Variants in CELSR1 observed in about 807,000 individuals in gnomAD.
The protein encoded by CELSR1 is cadherin EGF LAG seven-pass G-type receptor 1, also known as adhesion G protein-coupled receptor C1.
A neutral mutation model predicts 249.1 loss-of-function variants in CELSR1; 110 were observed. That is an observed-to-expected ratio of 0.44 (90% CI 0.38 to 0.52). The LOEUF (loss-of-function observed/expected upper bound fraction) is 0.52, where lower values mean the gene tolerates loss of function less well. Among genes scored for constraint, CELSR1 ranks in the 20% least tolerant of loss-of-function variants. The probability of loss-of-function intolerance (pLI) is 0.00; values close to 1 mark genes in which losing one functional copy is unlikely to be tolerated. For missense variants in CELSR1, 4,109 were observed against 4,296.4 expected (o/e 0.96, Z 1.22); for synonymous variants, 2,113 against 1,900.0 (o/e 1.11, Z -2.92).
chr22:46,420,039 C>T (rs1412319056), intron 5 of CELSR1, among the ~76,000 whole-genome samples: 1 of 151,268 alleles, frequency 6.6e-6, no homozygotes, highest in Non-Finnish European at 1.5e-5. Context: ...CCGACACTCA[C>T]ACTCAAATGT....
chr22:46,399,564 G>A lies in CELSR1; in HGVS notation c.5412+153C>T, dbSNP rs2079188224. 6.6e-6 allele frequency among the ~76,000 whole-genome samples: 1 copy of A among 152,194 alleles called. No homozygotes were observed. Among genetic ancestry groups the A allele is most frequent in the Non-Finnish European group, 1.5e-5 (1 of 68,034 alleles). On this transcript the variant is annotated intron_variant, in intron 10 of 34. Coordinates refer to ENST00000674500, the MANE Select transcript of CELSR1 (RefSeq NM_001378328.1). This position sits in a 1 kb window ranked among gnomAD's most constrained non-coding sequence, Gnocchi z 5.0. ...GGAAGATGCCAGTGACCTCAGTACA[G>A]GGCAGAACAGAAGCCCACCTGCGGG...
intron 5 of CELSR1, among the ~76,000 whole-genome samples, chr22:46,416,975 T>TG (rs1207780118): frequency 1.6e-3 from 10 of 6,222 alleles, no homozygotes; most frequent in Admixed American, 6.8e-3. Flanking sequence ...GAAGGCGGTG[T>TG]GGGGGGGTGG....
chr22:46,488,063 C>G lies in CELSR1; in HGVS notation c.3545-23718G>C, dbSNP rs1047183708. ...TGCTGACAGGATCAGCTGACAGGGG[C>G]GTGAGGGAGGGGTGTCAAGTACCAG... On this transcript the variant is annotated intron_variant, in intron 1 of 34. Coordinates refer to ENST00000674500, the MANE Select transcript of CELSR1 (RefSeq NM_001378328.1). The surrounding 1 kb of genome is among the most constrained non-coding windows in gnomAD (Gnocchi z 4.7). Among the ~76,000 whole-genome samples, 1 of 139,810 alleles carries G rather than the reference C, an allele frequency of 7.2e-6. No individual in the cohort carries two copies. The allele number at this position is 139,810 out of a possible 152,430, so 91.7% of individuals were successfully genotyped here. A position where few individuals can be genotyped will look rare whatever the true frequency, so the allele number is the denominator to read the frequency against.
chr22:46,378,311 G>A (rs2078940360), intron 23 of CELSR1, among the ~76,000 whole-genome samples: 1 of 152,186 alleles, frequency 6.6e-6, no homozygotes, highest in Non-Finnish European at 1.5e-5. Flanking sequence ...CCATTCCGGG[G>A]TTTAATACAT....
In CELSR1 at chr22:46,363,516, CTT is replaced by C. The variant is rs2078729401; in HGVS notation, c.9036-271_9036-270del. 7.5e-6 allele frequency: 3 copies of C among 400,126 alleles called. No individual in the cohort carries two copies. Among genetic ancestry groups the C allele is most frequent in the Admixed American group, 3.8e-5 (1 of 26,504 alleles). The allele number at this position is 400,126 out of a possible 1,614,324, so 24.8% of individuals were successfully genotyped here. On this transcript the variant is annotated intron_variant, in intron 34 of 34. Coordinates refer to ENST00000674500, the MANE Select transcript of CELSR1 (RefSeq NM_001378328.1). The surrounding 1 kb of genome is among the most constrained non-coding windows in gnomAD (Gnocchi z 4.3). ...TAGAAACCGGCCATCTCTACAGTGA[CTT>C]TTGGAAGGGGCATTCTGAAGACCTG...
Position 46,367,023 on chromosome 22 carries a change from G to A in CELSR1, c.8175C>T (p.Asp2725=), listed in dbSNP as rs2078791959. ...GCAGGGTGGCCCTGGTGGTGGCGGA[G>A]TCCTCCAGGTGCAGCTTCCTCCCGC... ...VLGGRKLHLE[D]SATTRATLLT... The change falls in exon 29 of 35, where the codon GAC becomes GAT. Residue 2725 remains aspartate (D), a synonymous_variant. Coordinates refer to ENST00000674500, the MANE Select transcript of CELSR1 (RefSeq NM_001378328.1). 3 of 1,610,590 alleles carry A rather than the reference G, an allele frequency of 1.9e-6. No homozygotes were observed. Among genetic ancestry groups the A allele is most frequent in the Non-Finnish European group, 1.7e-6 (2 of 1,179,556 alleles).
intron 3 of CELSR1, among the ~76,000 whole-genome samples, chr22:46,438,232 G>A (rs2079689347): frequency 6.6e-6 from 1 of 152,218 alleles, no homozygotes; most frequent in African/African-American, 2.4e-5. Flanking sequence ...AAAGAGCTGT[G>A]GGGATGAGAG....
Position 46,527,462 on chromosome 22 carries a change from G to A in CELSR1, c.3544+6165C>T, listed in dbSNP as rs891837730. 2.0e-5 allele frequency among the ~76,000 whole-genome samples: 3 copies of A among 152,100 alleles called. No individual in the cohort carries two copies. The highest frequency in any genetic ancestry group is 2.9e-5 in the Non-Finnish European group (2 of 68,014). ...TCCCTGCCCATCACACACTGCACAC[G>A]TCCAGGGGGGTAGAGAAGAGTCCCA... is the stretch of plus-strand genomic sequence containing the variant. On this transcript the variant is annotated intron_variant, in intron 1 of 34. Coordinates refer to ENST00000674500, the MANE Select transcript of CELSR1 (RefSeq NM_001378328.1). This position sits in a 1 kb window ranked among gnomAD's most constrained non-coding sequence, Gnocchi z 5.5.
At position 46,376,967 on chromosome 22, in the gene CELSR1, G is replaced by C. The variant is rs542472118; in HGVS notation, c.7584+94C>G. ...GCAGAGGTGGGGGTGGTGAGGAGGAGCTAGCCAGGGTGCTTGGAGTGGCCA... is the reference window on the plus strand; with the variant it reads ...GCAGAGGTGGGGGTGGTGAGGAGGACCTAGCCAGGGTGCTTGGAGTGGCCA... On this transcript the variant is annotated intron_variant, in intron 24 of 34. Transcript: ENST00000674500. 3,397 of 1,299,922 alleles carry C rather than the reference G, an allele frequency of 2.6e-3. 5 individuals carry two copies. Among genetic ancestry groups the C allele is most frequent in the Admixed American group, 3.9e-3 (201 of 51,224 alleles). 80.5% of individuals were successfully genotyped at this position (1,299,922 alleles called of 1,614,324 possible).
At chr22:46,421,424 A>G (rs16995232) in intron 5 of CELSR1, among the ~76,000 whole-genome samples, 11,284 of 152,220 alleles carry the variant, frequency 0.074, 1,316 homozygotes, top group African/African-American at 0.25. Context: ...GCGACTTTCC[A>G]TAACAGGGTT....
chr22:46,462,923 G>A (rs977340182), intron 2 of CELSR1: 2 of 467,992 alleles, frequency 4.3e-6, no homozygotes, highest in Admixed American at 2.4e-5. Context: ...AAATTTCTAC[G>A]GTGACAGGGA....
rs1431883684 is a variant in CELSR1 at position 46,398,238 on chromosome 22, G to A, written c.5526+286C>T. Among the ~76,000 whole-genome samples the A allele has an allele frequency of 2.6e-5, 4 of 152,110 alleles. No individual in the cohort carries two copies. Among genetic ancestry groups the A allele is most frequent in the South Asian group, 2.1e-4 (1 of 4,828 alleles). On this transcript the variant is annotated intron_variant, in intron 11 of 34. Transcript: ENST00000674500. The surrounding 1 kb of genome is among the most constrained non-coding windows in gnomAD (Gnocchi z 7.2). The stretch of plus-strand genomic sequence containing the variant: ...TGTGGTTGGACTGGGTGGGGGTGGC[G>A]GCAAGGGGCTCGATTCAGGACACTT...
rs547959547 is a variant in CELSR1, at chr22:46,379,750, T to C, written c.7257-1033A>G. On this transcript the variant is annotated intron_variant, in intron 22 of 34. Transcript: ENST00000674500. ...CTCACTGTGCCCAGGGCAACTGTGA[T>C]GGGGGCAGCGTTCCTGCTGCACAGA... Among the ~76,000 whole-genome samples, 3 of 152,322 alleles carry C rather than the reference T, an allele frequency of 2.0e-5. No individual in the cohort carries two copies. The East Asian group carries it at 5.8e-4, about 29-fold the overall frequency.
At chr22:46,424,955 G>C (rs566151368) in intron 5 of CELSR1, among the ~76,000 whole-genome samples, 14 of 152,308 alleles carry the variant, frequency 9.2e-5, no homozygotes, top group African/African-American at 2.4e-4. Flanking sequence ...TGGGATACAA[G>C]GCAAAACTCT....
intron 9 of CELSR1, among the ~76,000 whole-genome samples, chr22:46,400,417 C>G (rs771114130): frequency 3.9e-5 from 6 of 151,906 alleles, no homozygotes; most frequent in Non-Finnish European, 8.8e-5. Flanking sequence ...GCAGGCGGAT[C>G]ACCTGAGGTC....
rs951349029 is a variant in CELSR1 at position 46,363,737 on chromosome 22, C to G, written c.9035+259G>C. 62 of 536,104 alleles carry G rather than the reference C, an allele frequency of 1.2e-4. No individual in the cohort carries two copies. Among genetic ancestry groups the G allele is most frequent in the Non-Finnish European group, 1.6e-4 (50 of 307,760 alleles). The allele number at this position is 536,104 out of a possible 1,614,324, so 33.2% of individuals were successfully genotyped here. Reference sequence around the variant, plus strand: ...CAGAGCCCAGCACCTTAGGTCCTAGCATTTTGGGGCTGGCCAGGGCTTCAG... The same window carrying G: ...CAGAGCCCAGCACCTTAGGTCCTAGGATTTTGGGGCTGGCCAGGGCTTCAG... On this transcript the variant is annotated intron_variant, in intron 34 of 34. Coordinates refer to ENST00000674500, the MANE Select transcript of CELSR1 (RefSeq NM_001378328.1). This position sits in a 1 kb window ranked among gnomAD's most constrained non-coding sequence, Gnocchi z 4.3.
intron 1 of CELSR1, among the ~76,000 whole-genome samples, chr22:46,479,769 A>G (rs533919297): frequency 1.9e-4 from 29 of 152,358 alleles, no homozygotes; most frequent in African/African-American, 6.3e-4. Flanking sequence ...GGTTGCTATC[A>G]AAACAATAAG....
rs546237956 is a variant in CELSR1, at chr22:46,500,997, T to C, written c.3544+32630A>G. On this transcript the variant is annotated intron_variant, in intron 1 of 34. Coordinates refer to ENST00000674500, the MANE Select transcript of CELSR1 (RefSeq NM_001378328.1). This position sits in a 1 kb window ranked among gnomAD's most constrained non-coding sequence, Gnocchi z 4.9. ...TAAGATGTTTCCACTAAGAAAAGTTTATTTATTTATTTATTTTATTTTATT... is the reference window on the plus strand; with the variant it reads ...TAAGATGTTTCCACTAAGAAAAGTTCATTTATTTATTTATTTTATTTTATT... Among the ~76,000 whole-genome samples the C allele has an allele frequency of 5.3e-5, 8 of 151,362 alleles. No homozygotes were observed. The highest frequency in any genetic ancestry group is 2.6e-4 in the Admixed American group (4 of 15,230).
At position 46,386,430 on chromosome 22, in the gene CELSR1, C is replaced by T. The variant is rs141682815; in HGVS notation, c.6711G>A (p.Arg2237=). ...TGTTGGCGGTGACGATGACGAAGGG[C>T]CGCAGGTACGTCCGCCGCACGTTGC... ...VARNVRRTYL[R]PFVIVTANMI... is the part of the protein sequence containing the mutation. The change falls in exon 19 of 35, where the codon CGG becomes CGA. Residue 2237 remains arginine, a synonymous_variant. Transcript: ENST00000674500. 447 of 1,590,932 alleles carry T rather than the reference C, an allele frequency of 2.8e-4. No homozygotes were observed. In the African/African-American group the frequency reaches 5.2e-3, roughly 18 times the overall value.
Sources: gnomAD v4.1 joint callset for allele counts (sites outside exome capture counted in the v4.1 genomes callset) on GRCh38, gnomAD v4.1.1 for gene constraint, Gnocchi (gnomAD v3.1) non-coding constraint, MANE v1.5 for transcripts, NCBI Gene and HGNC (gene_info 2026-07-23, HGNC 2026-07-21) for gene names.